Variants in HS3ST4 observed in about 807,000 individuals in gnomAD.
HS3ST4 encodes the protein heparan sulfate glucosamine 3-O-sulfotransferase 4.
HS3ST4 carries 17 observed loss-of-function variants against 29.2 expected under a neutral mutation model. That is an observed-to-expected ratio of 0.58 (90% CI 0.40 to 0.87). HS3ST4 has a LOEUF of 0.87. HS3ST4 is among the 40% of genes least tolerant of loss of function. The pLI, the probability that HS3ST4 is intolerant of heterozygous loss-of-function variation, is 0.00. For synonymous variants in HS3ST4, 314 were observed against 285.7 expected (o/e 1.10, Z -1.00); for missense variants, 627 against 634.5 (o/e 0.99, Z 0.13).
intron 1 of HS3ST4, among the ~76,000 whole-genome samples, chr16:26,128,859 G>C (rs1899380124): frequency 6.6e-6 from 1 of 151,292 alleles, no homozygotes; most frequent in Non-Finnish European, 1.5e-5. Context: ...CTTCTGTGCA[G>C]GGGAACTGGC....
At chr16:26,098,782 G>A in intron 1 of HS3ST4, among the ~76,000 whole-genome samples, 1 of 152,038 alleles carries the variant, frequency 6.6e-6, no homozygotes, top group East Asian at 1.9e-4. Flanking sequence ...GATGATGGAT[G>A]GATGGATGGA....
chr16:26,122,331 T>C (rs1899287470), intron 1 of HS3ST4, among the ~76,000 whole-genome samples: 1 of 152,240 alleles, frequency 6.6e-6, no homozygotes, highest in African/African-American at 2.4e-5. Flanking sequence ...TGTCCATATG[T>C]GCTTTCTAAA....
intron 1 of HS3ST4, among the ~76,000 whole-genome samples, chr16:25,713,591 C>T (rs1966431727): frequency 6.6e-6 from 1 of 152,130 alleles, no homozygotes; most frequent in East Asian, 1.9e-4. Context: ...ACACAAAAGG[C>T]CTTGGTTCCT....
At chr16:25,694,878 A>G (rs1464619268) in intron 1 of HS3ST4, among the ~76,000 whole-genome samples, 3 of 151,566 alleles carry the variant, frequency 2.0e-5, no homozygotes, top group Non-Finnish European at 4.4e-5. Context: ...GGTTTGTGGC[A>G]GCTGGAAACA....
intron 1 of HS3ST4, among the ~76,000 whole-genome samples, chr16:25,916,596 A>G (rs1174498086): frequency 6.6e-6 from 1 of 151,046 alleles, no homozygotes; most frequent in Admixed American, 6.6e-5. Flanking sequence ...TCCTGACCTC[A>G]GATGATCCGC....
Position 25,997,220 on chromosome 16 carries a change from A to C in HS3ST4, c.735-138392A>C, listed in dbSNP as rs570014115. 1.8e-3 allele frequency among the ~76,000 whole-genome samples: 272 copies of C among 152,310 alleles called. 2 individuals carry two copies. Among genetic ancestry groups the C allele is most frequent in the Non-Finnish European group, 3.3e-3 (224 of 68,030 alleles). ...TGTATTTTATAAAACTTCCAGAAAAATGCAAAATAATACCATTGATGCAGG... is the reference window on the plus strand; with the variant it reads ...TGTATTTTATAAAACTTCCAGAAAACTGCAAAATAATACCATTGATGCAGG... On this transcript the variant is annotated intron_variant, in intron 1 of 1. Transcript: ENST00000331351.
At chr16:25,953,220 G>C (rs765768008) in intron 1 of HS3ST4, among the ~76,000 whole-genome samples, 2 of 152,116 alleles carry the variant, frequency 1.3e-5, no homozygotes, top group Non-Finnish European at 2.9e-5. Flanking sequence ...CAGGCACCAA[G>C]GTGTGATGGC....
chr16:25,796,952 C>T (rs1335020109), intron 1 of HS3ST4, among the ~76,000 whole-genome samples: 1 of 152,074 alleles, frequency 6.6e-6, no homozygotes, highest in Non-Finnish European at 1.5e-5. Flanking sequence ...GCCACTAGAG[C>T]CAGAGGTATT....
chr16:25,773,697 A>AG (rs1370984108), intron 1 of HS3ST4, among the ~76,000 whole-genome samples: 3 of 152,208 alleles, frequency 2.0e-5, no homozygotes, highest in African/African-American at 7.2e-5. Flanking sequence ...TTTTGGTGAC[A>AG]TGGATGAATT....
chr16:25,990,875 G>T (rs1969107891), intron 1 of HS3ST4, among the ~76,000 whole-genome samples: 1 of 152,170 alleles, frequency 6.6e-6, no homozygotes, highest in South Asian at 2.1e-4. Flanking sequence ...GGCATTCATT[G>T]TGATGACAGC....
intron 1 of HS3ST4, among the ~76,000 whole-genome samples, chr16:26,043,257 A>G (rs1043768094): frequency 6.6e-6 from 1 of 152,242 alleles, no homozygotes; most frequent in African/African-American, 2.4e-5. Flanking sequence ...TAGCTAGGAC[A>G]AATTCTACAA....
intron 1 of HS3ST4, among the ~76,000 whole-genome samples, chr16:25,749,365 T>C (rs1345054263): frequency 6.6e-6 from 1 of 151,988 alleles, no homozygotes; most frequent in African/African-American, 2.4e-5. Flanking sequence ...CGTGGTGACA[T>C]GCACCTGTAG....
At chr16:25,966,338 G>T (rs1968842733) in intron 1 of HS3ST4, among the ~76,000 whole-genome samples, 1 of 152,082 alleles carries the variant, frequency 6.6e-6, no homozygotes, top group South Asian at 2.1e-4. Context: ...GGTTGCTGGG[G>T]ACCAGTATAT....
At chr16:25,919,883 G>T (rs935755522) in intron 1 of HS3ST4, among the ~76,000 whole-genome samples, 2 of 152,038 alleles carry the variant, frequency 1.3e-5, no homozygotes, top group South Asian at 4.2e-4. Flanking sequence ...TGGAGGAGAG[G>T]AATCAAAATC....
chr16:26,043,505 G>T (rs1240111066), intron 1 of HS3ST4, among the ~76,000 whole-genome samples: 1 of 152,274 alleles, frequency 6.6e-6, no homozygotes, highest in East Asian at 1.9e-4. Context: ...GAGGCTCAGT[G>T]ACTGTTACAT....
intron 1 of HS3ST4, among the ~76,000 whole-genome samples, chr16:25,919,951 C>A (rs868403880): frequency 6.6e-6 from 1 of 152,142 alleles, no homozygotes; most frequent in African/African-American, 2.4e-5. Context: ...GAAAAACACC[C>A]AATCCTCCTC....
At chr16:25,827,474 C>A (rs1186401437) in intron 1 of HS3ST4, among the ~76,000 whole-genome samples, 1 of 149,120 alleles carries the variant, frequency 6.7e-6, no homozygotes, top group Non-Finnish European at 1.5e-5. Context: ...GAAGACTTTC[C>A]TGTCTTTCAA....
chr16:25,750,295 C>G (rs1467282336), intron 1 of HS3ST4, among the ~76,000 whole-genome samples: 1 of 152,156 alleles, frequency 6.6e-6, no homozygotes, highest in East Asian at 1.9e-4. Context: ...ATTTAATGTT[C>G]TAGTGACAAA....
intron 1 of HS3ST4, among the ~76,000 whole-genome samples, chr16:25,739,272 G>A (rs937467458): frequency 4.6e-5 from 7 of 152,136 alleles, no homozygotes; most frequent in Non-Finnish European, 7.3e-5. Context: ...AGCCTGGGAG[G>A]CGGAGGTTTC....
Sources: allele counts gnomAD v4.1 joint callset (sites outside exome capture counted in the v4.1 genomes callset), GRCh38; gene constraint gnomAD v4.1.1; transcripts MANE v1.5; gene names NCBI Gene and HGNC (gene_info 2026-07-23, HGNC 2026-07-21).